The following TUBB8 variants were observed in gnomAD, a reference collection of about 807,000 sequenced individuals.
TUBB8 encodes tubulin beta-8 chain.
In TUBB8, 25 loss-of-function variants were observed where a neutral mutation model predicts 33.7. The observed-to-expected ratio is 0.74, with a 90% CI of 0.54 to 1.04. The LOEUF (loss-of-function observed/expected upper bound fraction) is 1.04. TUBB8 is among the 50% of genes least tolerant of loss of function. The probability of loss-of-function intolerance (pLI) is 0.00; values close to 1 mark genes in which losing one functional copy is unlikely to be tolerated. For synonymous variants in TUBB8, 245 were observed against 240.1 expected, an observed-to-expected ratio of 1.02 and a Z score of -0.19; for missense variants, 279 against 608.0, an observed-to-expected ratio of 0.46 and a Z score of 5.69.
chr10:53,978 T>C (rs1412434828), upstream of TUBB8, among the ~76,000 whole-genome samples: 1 of 151,946 alleles, frequency 6.6e-6, no homozygotes, highest in Non-Finnish European at 1.5e-5. Context: ...AGGCATGCAA[T>C]CAGTAATACA....
intron 1 of TUBB8, among the ~76,000 whole-genome samples, chr10:54,488 T>G (rs1554739961): frequency 6.6e-6 from 1 of 151,770 alleles, no homozygotes. Flanking sequence ...TAGCAACATT[T>G]GTTTTTGACT....
At chr10:67,960 G>A (rs1473454859) in intron 1 of TUBB8, among the ~76,000 whole-genome samples, 1 of 152,112 alleles carries the variant, frequency 6.6e-6, no homozygotes, top group Non-Finnish European at 1.5e-5. Flanking sequence ...ATGTAGGGAC[G>A]GTGTCTGGCT....
At chr10:46,550 TGG>T (rs1554737806), downstream of TUBB8, among the ~76,000 whole-genome samples, 1 of 111,214 alleles carries the variant, frequency 9.0e-6, no homozygotes, top group African/African-American at 3.4e-5. Context: ...TACCCTGAGA[TGG>T]GACTCTGGGG....
At chr10:67,470 G>A (rs1371206003) in intron 1 of TUBB8, among the ~76,000 whole-genome samples, 1 of 152,082 alleles carries the variant, frequency 6.6e-6, no homozygotes, top group Non-Finnish European at 1.5e-5. Flanking sequence ...TGTCACCCAG[G>A]GTGGAGTACA....
upstream of TUBB8, chr10:50,008 G>A (rs1834445762): frequency 6.1e-6 from 1 of 162,908 alleles, no homozygotes; most frequent in South Asian, 1.8e-4. Context: ...GGTGGGGAAT[G>A]CCTCGATCTA....
intron 1 of TUBB8, among the ~76,000 whole-genome samples, chr10:64,759 T>C (rs1834647627): frequency 6.6e-6 from 1 of 152,154 alleles, no homozygotes; most frequent in South Asian, 2.1e-4. Flanking sequence ...CAAAGAACTC[T>C]CAACTAAGAA....
At chr10:73,536 G>C (rs542375782) in intron 1 of TUBB8, among the ~76,000 whole-genome samples, 3 of 150,596 alleles carry the variant, frequency 2.0e-5, no homozygotes, top group Non-Finnish European at 3.0e-5. Context: ...CCAGCTACTC[G>C]AGAGGCTGAG....
rs1554738053 is a variant in TUBB8, at chr10:47,366, A to G, written c.1026T>C (p.Ala342=). 1.9e-6 allele frequency: 3 copies of G among 1,613,024 alleles called. No homozygotes were observed. The highest frequency in any genetic ancestry group is 2.2e-5 in the South Asian group (2 of 91,024). ...TTTTTACGTTGTTGGGGAGCCAGTC[A>G]GCAAAGTAACTGCTGTTCTTATCTT... ...NIQDKNSSYF[A]DWLPNNVKTA... is the part of the protein sequence containing the mutation. The change falls in exon 4 of 4, where the codon GCT becomes GCC. Residue 342 remains alanine, a synonymous_variant. Coordinates refer to ENST00000568584, the MANE Select transcript of TUBB8 (RefSeq NM_177987.3).
intron 1 of TUBB8, among the ~76,000 whole-genome samples, chr10:64,224 C>A (rs1418802014): frequency 6.6e-6 from 1 of 152,094 alleles, no homozygotes; most frequent in African/African-American, 2.4e-5. Context: ...TGGTCTCACC[C>A]AAGGCCCACT....
At chr10:57,275 C>A (rs1203895192) in intron 1 of TUBB8, among the ~76,000 whole-genome samples, 3 of 152,232 alleles carry the variant, frequency 2.0e-5, no homozygotes, top group Admixed American at 6.5e-5. Context: ...AAAGTGCAAG[C>A]TGTAGCTAGA....
upstream of TUBB8, among the ~76,000 whole-genome samples, chr10:53,127 T>A (rs1386060266): frequency 4.0e-5 from 6 of 151,006 alleles, no homozygotes; most frequent in Admixed American, 6.6e-5. Context: ...ATTTTTATTT[T>A]TATTTATTAT....
Position 47,799 on chromosome 10 carries a change from T to TCA in TUBB8, c.591_592dup (p.Glu198ValfsTer6). The stretch of plus-strand genomic sequence containing the variant: ...AGCTTCGTTATCTATGCAAAAGGTC[T>TCA]CATCTGCGTTTTCTATGAGCTGGTG... On this transcript the variant is annotated frameshift_variant, in exon 4 of 4. Transcript: ENST00000568584. LOFTEE classifies it high-confidence loss of function. 1 of 1,614,226 alleles carries TCA rather than the reference T, an allele frequency of 6.2e-7. No homozygotes were observed. The highest frequency in any genetic ancestry group is 1.3e-5 in the African/African-American group (1 of 75,074).
chr10:55,761 A>G (rs188125966), intron 1 of TUBB8, among the ~76,000 whole-genome samples: 261 of 152,276 alleles, frequency 1.7e-3, no homozygotes, highest in African/African-American at 6.1e-3. Flanking sequence ...TTTTTGTTGT[A>G]TGTTATCAAC....
intron 1 of TUBB8, among the ~76,000 whole-genome samples, chr10:57,053 C>T (rs2130939962): frequency 6.6e-6 from 1 of 152,304 alleles, no homozygotes; most frequent in East Asian, 1.9e-4. Flanking sequence ...GGCCACAGGA[C>T]CCATGCAAGT....
chr10:74,411 G>T (rs537380544), upstream of TUBB8, among the ~76,000 whole-genome samples: 1 of 151,100 alleles, frequency 6.6e-6, no homozygotes, highest in African/African-American at 2.4e-5. Flanking sequence ...CGGATCACTC[G>T]AGGTCAGGAA....
intron 1 of TUBB8, among the ~76,000 whole-genome samples, chr10:72,280 C>T (rs1467016462): frequency 6.7e-6 from 1 of 149,670 alleles, no homozygotes. Flanking sequence ...AGCAGCCAGG[C>T]GTGGTGGCTC....
upstream of TUBB8, among the ~76,000 whole-genome samples, chr10:74,891 T>TGGGGGGG (rs1554742944): frequency 1.3e-5 from 1 of 75,882 alleles, no homozygotes; most frequent in African/African-American, 5.1e-5. Flanking sequence ...TTTTTTTTTT[T>TGGGGGGG]GAGACGGAGT....
At chr10:61,104 C>T (rs1390923553) in intron 1 of TUBB8, among the ~76,000 whole-genome samples, 2 of 149,000 alleles carry the variant, frequency 1.3e-5, no homozygotes, top group Admixed American at 1.3e-4. Flanking sequence ...AGGGATAGCA[C>T]TGGGAGATAT....
At chr10:51,262 CCAT>C (rs1321945278), upstream of TUBB8, among the ~76,000 whole-genome samples, 2 of 152,180 alleles carry the variant, frequency 1.3e-5, no homozygotes, top group South Asian at 2.1e-4. Context: ...GCGCCCACCA[CCAT>C]GCCTGTCTAA....
Sources: gnomAD v4.1 joint callset for allele counts (sites outside exome capture counted in the v4.1 genomes callset) on GRCh38, gnomAD v4.1.1 for gene constraint, MANE v1.5 for transcripts, NCBI Gene and HGNC (gene_info 2026-07-23, HGNC 2026-07-21) for gene names.